HSF5: variants seen among roughly 807,000 people sequenced by gnomAD.
The protein encoded by HSF5 is heat shock transcription factor 5, also known as heat shock factor protein 5.
In HSF5, 5 loss-of-function variants were observed where a neutral mutation model predicts 50.8. The observed-to-expected ratio is 0.10, with a 90% CI of 0.05 to 0.21. The LOEUF is 0.21. HSF5 is among the 10% of genes least tolerant of loss of function. The pLI is 1.00. For synonymous variants in HSF5, 307 were observed against 307.4 expected, an observed-to-expected ratio of 1.00 and a Z score of 0.02; for missense variants, 564 against 762.6, an observed-to-expected ratio of 0.74 and a Z score of 3.07.
At chr17:58,438,334 G>A (rs766629908) in intron 5 of HSF5, among the ~76,000 whole-genome samples, 1 of 152,102 alleles carries the variant, frequency 6.6e-6, no homozygotes, top group African/African-American at 2.4e-5. Context: ...GTATGTAGTA[G>A]GCAACATCAT....
chr17:58,439,933 C>T (rs1974477980), intron 5 of HSF5, among the ~76,000 whole-genome samples: 1 of 149,458 alleles, frequency 6.7e-6, no homozygotes, highest in African/African-American at 2.5e-5. Context: ...ATATCCAATA[C>T]TGGACTAAAG....
intron 2 of HSF5, chr17:58,476,402 G>T: frequency 2.0e-6 from 2 of 1,013,832 alleles, no homozygotes; most frequent in Non-Finnish European, 3.1e-6. Context: ...GGTTCCTCAT[G>T]CTGCCTCTTC....
chr17:58,480,262 C>G lies in HSF5; in HGVS notation c.556G>C (p.Val186Leu). 1 of 1,606,570 alleles carries G rather than the reference C, an allele frequency of 6.2e-7. No individual in the cohort carries two copies. Among genetic ancestry groups the G allele is most frequent in the Non-Finnish European group, 8.5e-7 (1 of 1,175,910 alleles). ...AGPRPEPHGP[V>L]AVGQFHRSFR... ...GACCGGTGAAATTGTCCTACAGCCA[C>G]TGGTCCTACATAAAAGAGGAAGAGC... Residue 186 changes from valine (V) to leucine (L), a missense_variant, in exon 2 of 6, where the codon GTG becomes CTG. Transcript: ENST00000323777.
intron 4 of HSF5, among the ~76,000 whole-genome samples, chr17:58,460,470 C>CATAT (rs746363535): frequency 7.2e-6 from 1 of 139,590 alleles, no homozygotes; most frequent in African/African-American, 2.8e-5. Context: ...GCTTTATATA[C>CATAT]ATATATATAC....
chr17:58,432,106 T>C (rs533521015), intron 5 of HSF5, among the ~76,000 whole-genome samples: 1 of 152,298 alleles, frequency 6.6e-6, no homozygotes, highest in East Asian at 1.9e-4. Context: ...TTTAAAAGAC[T>C]GCATTTTTCC....
At chr17:58,473,303 A>C (rs1347121862) in intron 2 of HSF5, among the ~76,000 whole-genome samples, 3 of 152,156 alleles carry the variant, frequency 2.0e-5, no homozygotes, top group Admixed American at 2.0e-4. Flanking sequence ...GGCAGCTACA[A>C]ATTTACTAAC....
At chr17:58,428,388 G>A (rs184578535) in intron 5 of HSF5, among the ~76,000 whole-genome samples, 26 of 152,172 alleles carry the variant, frequency 1.7e-4, no homozygotes, top group Admixed American at 1.5e-3. Context: ...GGCCAGGCGC[G>A]GTGGCTCACG....
chr17:58,457,591 C>CT (rs1974731499), intron 5 of HSF5, among the ~76,000 whole-genome samples: 1 of 152,194 alleles, frequency 6.6e-6, no homozygotes, highest in African/African-American at 2.4e-5. Context: ...GAGAAAGACT[C>CT]TGTCTCTAAA....
At chr17:58,479,530 T>C (rs2143805814) in intron 2 of HSF5, among the ~76,000 whole-genome samples, 1 of 152,212 alleles carries the variant, frequency 6.6e-6, no homozygotes, top group South Asian at 2.1e-4. Context: ...CTCGAACTCC[T>C]GACCTGAAAT....
At chr17:58,455,853 G>C (rs2143770326) in intron 5 of HSF5, among the ~76,000 whole-genome samples, 1 of 152,234 alleles carries the variant, frequency 6.6e-6, no homozygotes, top group Admixed American at 6.5e-5. Context: ...CAAAGATGCA[G>C]AGAAAAGGGA....
Position 58,480,018 on chromosome 17 carries a change from T to C in HSF5, c.800A>G (p.Tyr267Cys), listed in dbSNP as rs997914062. Reference sequence around the variant, plus strand: ...AGATGTGGTGCTGGGCTGCAGTGTATAGGTAACCTCAGTTGGAAACCTCTG... The same window carrying C: ...AGATGTGGTGCTGGGCTGCAGTGTACAGGTAACCTCAGTTGGAAACCTCTG... ...VLQRFPTEVT[Y>C]TLQPSTTSVH... The change falls in exon 2 of 6, where the codon TAT becomes TGT. Residue 267 changes from tyrosine to cysteine, a missense_variant. Tyr to Cys is a radical substitution (Grantham distance 194, BLOSUM62 -2). This residue lies in a region of HSF5 where 441 missense variants were observed against 533.6 expected (regional missense o/e 0.83). Coordinates refer to ENST00000323777, the MANE Select transcript of HSF5 (RefSeq NM_001080439.3). 3 of 1,613,984 alleles carry C rather than the reference T, an allele frequency of 1.9e-6. No homozygotes were observed. Among genetic ancestry groups the C allele is most frequent in the African/African-American group, 1.3e-5 (1 of 74,890 alleles).
chr17:58,454,946 TGACATTCTTCACA>T (rs1974689350), intron 5 of HSF5, among the ~76,000 whole-genome samples: 1 of 152,132 alleles, frequency 6.6e-6, no homozygotes, highest in South Asian at 2.1e-4. Context: ...AAAATACCAA[TGACATTCTTCACA>T]GAAATAGAAA....
rs1974230216 is a variant in HSF5, at chr17:58,421,587, T to C, written c.*773A>G. On this transcript the variant is annotated 3_prime_UTR_variant, in exon 6 of 6. Transcript: ENST00000323777. Reference sequence around the variant, plus strand: ...TCAGCATTTATAAATACAATTATATTAAACAAGTTAAATACTTTCTTTAAA... The same window carrying C: ...TCAGCATTTATAAATACAATTATATCAAACAAGTTAAATACTTTCTTTAAA... 1 of 152,240 alleles carries C rather than the reference T, an allele frequency of 6.6e-6. No homozygotes were observed. Among genetic ancestry groups the C allele is most frequent in the African/African-American group, 2.4e-5 (1 of 41,466 alleles). The allele number at this position is 152,240 out of a possible 1,614,324, so 9.4% of individuals were successfully genotyped here.
intron 5 of HSF5, among the ~76,000 whole-genome samples, chr17:58,452,562 C>T (rs1974655351): frequency 6.6e-6 from 1 of 151,956 alleles, no homozygotes; most frequent in Non-Finnish European, 1.5e-5. Flanking sequence ...GTAATCGCAA[C>T]ACTTTGCGAT....
chr17:58,470,155 A>C (rs1006019247), intron 2 of HSF5, among the ~76,000 whole-genome samples: 1 of 152,244 alleles, frequency 6.6e-6, no homozygotes, highest in African/African-American at 2.4e-5. Flanking sequence ...TGAGGTAAAG[A>C]AAAGGTCTTC....
chr17:58,424,544 G>A (rs1444809773), intron 5 of HSF5, among the ~76,000 whole-genome samples: 1 of 151,716 alleles, frequency 6.6e-6, no homozygotes, highest in Admixed American at 6.6e-5. Context: ...CCCGGGAGAT[G>A]GAGGTTGCAG....
chr17:58,485,482 C>T (rs1366808689), intron 1 of HSF5, among the ~76,000 whole-genome samples: 1 of 151,548 alleles, frequency 6.6e-6, no homozygotes, highest in Non-Finnish European at 1.5e-5. Context: ...AGTGGTGGCT[C>T]ACGCCTGTAA....
intron 3 of HSF5, among the ~76,000 whole-genome samples, chr17:58,463,686 T>C (rs909615556): frequency 6.6e-6 from 1 of 152,226 alleles, no homozygotes; most frequent in African/African-American, 2.4e-5. Flanking sequence ...GTTTCAGGAA[T>C]GCAGTAAGGA....
At chr17:58,453,555 A>G (rs995432696) in intron 5 of HSF5, among the ~76,000 whole-genome samples, 1 of 151,790 alleles carries the variant, frequency 6.6e-6, no homozygotes, top group Non-Finnish European at 1.5e-5. Context: ...AGATCATGCC[A>G]TTGCACTCCA....
Sources: gnomAD v4.1 joint callset for allele counts (sites outside exome capture counted in the v4.1 genomes callset) on GRCh38, gnomAD v4.1.1 for gene constraint, gnomAD v4.1.1 regional missense constraint, MANE v1.5 for transcripts, NCBI Gene and HGNC (gene_info 2026-07-23, HGNC 2026-07-21) for gene names.